Variants in PRKN observed in about 807,000 individuals in gnomAD.
The protein encoded by PRKN is parkin RBR E3 ubiquitin protein ligase.
PRKN carries 56 observed loss-of-function variants against 59.5 expected under a neutral mutation model. The ratio of observed to expected loss-of-function variants is 0.94; its 90% CI spans 0.76 to 1.18. The LOEUF (loss-of-function observed/expected upper bound fraction) is 1.18. PRKN is among the 50% of genes most tolerant of loss of function. The pLI is 0.00. For synonymous variants in PRKN, 250 were observed against 222.1 expected (o/e 1.13, Z -1.12); for missense variants, 657 against 596.4 (o/e 1.10, Z -1.06).
intron 7 of PRKN, among the ~76,000 whole-genome samples, chr6:161,585,710 C>T (rs1015482052): frequency 2.6e-5 from 4 of 152,070 alleles, no homozygotes; most frequent in Admixed American, 6.6e-5. Flanking sequence ...TTTGGACAGC[C>T]GTTTGGCTCT....
At chr6:162,097,336 C>T (rs1411265337) in intron 4 of PRKN, among the ~76,000 whole-genome samples, 1 of 152,114 alleles carries the variant, frequency 6.6e-6, no homozygotes, top group African/African-American at 2.4e-5. Context: ...TGTGTTCAAG[C>T]ACATCACATA....
intron 6 of PRKN, among the ~76,000 whole-genome samples, chr6:161,819,011 A>T (rs1035827657): frequency 6.6e-6 from 1 of 152,138 alleles, no homozygotes; most frequent in Non-Finnish European, 1.5e-5. Flanking sequence ...ATGTTTCAAT[A>T]CCCTCAACGC....
At chr6:161,849,292 C>A (rs556868202) in intron 6 of PRKN, among the ~76,000 whole-genome samples, 1 of 152,268 alleles carries the variant, frequency 6.6e-6, no homozygotes, top group East Asian at 1.9e-4. Flanking sequence ...GTTGTACCTG[C>A]CAACATTTCA....
chr6:162,580,308 C>T (rs183302944), intron 1 of PRKN, among the ~76,000 whole-genome samples: 50 of 152,008 alleles, frequency 3.3e-4, no homozygotes, highest in African/African-American at 1.0e-3. Context: ...TGTGGTGGTG[C>T]ATGCCTGCAG....
At chr6:161,797,338 C>T (rs554918091) in intron 6 of PRKN, among the ~76,000 whole-genome samples, 1 of 152,306 alleles carries the variant, frequency 6.6e-6, no homozygotes, top group East Asian at 1.9e-4. Flanking sequence ...CAACCTCCGG[C>T]TCACTGCAAC....
At chr6:162,641,086 G>A (rs1777940403) in intron 1 of PRKN, among the ~76,000 whole-genome samples, 1 of 152,026 alleles carries the variant, frequency 6.6e-6, no homozygotes, top group Admixed American at 6.6e-5. Context: ...TTCTCAAAAT[G>A]TGTACACTCT....
chr6:162,264,466 G>A (rs544394656), intron 2 of PRKN, among the ~76,000 whole-genome samples: 1 of 149,378 alleles, frequency 6.7e-6, no homozygotes, highest in Non-Finnish European at 1.5e-5. Context: ...AATGTCCCTC[G>A]AACAGTGGTG....
chr6:162,183,017 A>G (rs961508985), intron 4 of PRKN, among the ~76,000 whole-genome samples: 1 of 152,092 alleles, frequency 6.6e-6, no homozygotes, highest in African/African-American at 2.4e-5. Flanking sequence ...AATAATGATA[A>G]AAAAGAATTT....
chr6:161,659,750 G>A (rs1377918321), intron 7 of PRKN, among the ~76,000 whole-genome samples: 2 of 152,138 alleles, frequency 1.3e-5, no homozygotes, highest in African/African-American at 4.8e-5. Context: ...GTCACTGGCT[G>A]TGTGATCTTG....
chr6:161,857,110 T>A (rs1793688801), intron 6 of PRKN, among the ~76,000 whole-genome samples: 2 of 152,106 alleles, frequency 1.3e-5, no homozygotes, highest in South Asian at 4.2e-4. Flanking sequence ...GTGCCTGTAA[T>A]CCCAGCTACT....
chr6:161,949,907 A>G (rs897220420), intron 6 of PRKN, among the ~76,000 whole-genome samples: 3 of 152,218 alleles, frequency 2.0e-5, no homozygotes, highest in African/African-American at 7.2e-5. Flanking sequence ...TGGCTTACAG[A>G]TATTGGTACC....
intron 4 of PRKN, among the ~76,000 whole-genome samples, chr6:162,083,380 C>T (rs983554077): frequency 2.6e-5 from 4 of 151,954 alleles, no homozygotes; most frequent in African/African-American, 7.3e-5. Flanking sequence ...ATAGACTTGC[C>T]GCTCAATACC....
intron 6 of PRKN, among the ~76,000 whole-genome samples, chr6:161,944,628 CAAGCACAGTGTCTGCTAAG>C (rs1779714607): frequency 6.6e-6 from 1 of 152,152 alleles, no homozygotes; most frequent in Non-Finnish European, 1.5e-5. Flanking sequence ...TTCTGGGGGC[CAAGCACAGTGTCTGCTAAG>C]AAGGCGATCC....
At chr6:162,257,096 G>C (rs1356571771) in intron 3 of PRKN, among the ~76,000 whole-genome samples, 1 of 152,240 alleles carries the variant, frequency 6.6e-6, no homozygotes, top group East Asian at 1.9e-4. Flanking sequence ...ATTCCTCTCC[G>C]CAGCTTTTTG....
intron 6 of PRKN, among the ~76,000 whole-genome samples, chr6:161,786,863 CAATATATAT>C (rs1790439965): frequency 6.6e-6 from 1 of 151,446 alleles, no homozygotes; most frequent in Admixed American, 6.6e-5. Context: ...ACTAATTAAT[CAATATATAT>C]AAATCCTAAT....
At chr6:161,862,674 G>C (rs1242587645) in intron 6 of PRKN, among the ~76,000 whole-genome samples, 1 of 152,108 alleles carries the variant, frequency 6.6e-6, no homozygotes. Context: ...CACCATGGCT[G>C]TGAGGTCCAG....
intron 3 of PRKN, among the ~76,000 whole-genome samples, chr6:162,258,972 G>A (rs1779770130): frequency 6.6e-6 from 1 of 151,948 alleles, no homozygotes; most frequent in Non-Finnish European, 1.5e-5. Flanking sequence ...CATTTGTTTC[G>A]ACAACATATG....
chr6:162,568,664 G>A (rs779138329), intron 1 of PRKN: 77 of 911,592 alleles, frequency 8.4e-5, no homozygotes, highest in Admixed American at 3.4e-5. Context: ...AGAACAACAT[G>A]CTAGAGACCA....
intron 9 of PRKN, among the ~76,000 whole-genome samples, chr6:161,398,141 G>A (rs1011283083): frequency 6.6e-6 from 1 of 152,112 alleles, no homozygotes; most frequent in South Asian, 2.1e-4. Flanking sequence ...ACATTGATGA[G>A]AGAGTTTTCT....
Sources: allele counts gnomAD v4.1 joint callset (sites outside exome capture counted in the v4.1 genomes callset), GRCh38; gene constraint gnomAD v4.1.1; transcripts MANE v1.5; gene names NCBI Gene and HGNC (gene_info 2026-07-23, HGNC 2026-07-21).